The following SPAG9 variants were observed in gnomAD, a reference collection of about 807,000 sequenced individuals.
The protein encoded by SPAG9 is sperm associated antigen 9.
A neutral mutation model predicts 166.5 loss-of-function variants in SPAG9; 35 were observed. That is an observed-to-expected ratio of 0.21 (90% CI 0.16 to 0.28). SPAG9 has a LOEUF of 0.28. Ranked by LOEUF, SPAG9 falls within the 10% of genes least tolerant of loss-of-function variation. The probability of loss-of-function intolerance (pLI) is 1.00; values close to 1 mark genes in which losing one functional copy is unlikely to be tolerated. For synonymous variants in SPAG9, 534 were observed against 565.5 expected (o/e 0.94, Z 0.79); for missense variants, 1,235 against 1,603.3 (o/e 0.77, Z 3.92).
chr17:50,987,120 T>C lies in SPAG9; in HGVS notation c.2931A>G (p.Gln977=), dbSNP rs374198154. 1.2e-6 allele frequency: 2 copies of C among 1,607,972 alleles called. No individual in the cohort carries two copies. Among genetic ancestry groups the C allele is most frequent in the South Asian group, 1.1e-5 (1 of 89,472 alleles). The part of the protein sequence containing the change: ...SLLPTMWLGA[Q]NGCLYVHSSV... ...AAAGCATTGACACCTACCAGCCATT[T>C]TGAGCTCCAAGCCACATAGTTGGTA... Residue 977 remains glutamine, a synonymous_variant, in exon 22 of 30, where the codon CAA becomes CAG. Transcript: ENST00000262013.
chr17:51,066,109 CTTT>C (rs367569277), intron 2 of SPAG9, among the ~76,000 whole-genome samples: 7,311 of 147,282 alleles, frequency 0.05, 521 homozygotes, highest in African/African-American at 0.16. Flanking sequence ...CCCCATTACG[CTTT>C]TTTTTTTTCT....
intron 1 of SPAG9, among the ~76,000 whole-genome samples, chr17:51,080,001 T>A (rs906867274): frequency 2.0e-5 from 3 of 152,200 alleles, no homozygotes; most frequent in Non-Finnish European, 4.4e-5. Context: ...GCATCTTGAC[T>A]TCCAGACAAC....
intron 1 of SPAG9, among the ~76,000 whole-genome samples, chr17:51,115,006 T>C (rs2049243152): frequency 6.6e-6 from 1 of 151,932 alleles, no homozygotes. Flanking sequence ...ACAATGAATG[T>C]CAATACCTAT....
intron 20 of SPAG9, 80 bp downstream of exon 20, chr17:50,990,370 A>G (rs1402231413): frequency 4.7e-6 from 5 of 1,056,538 alleles, no homozygotes; most frequent in Non-Finnish European, 1.5e-6. Context: ...GTTACTTAAG[A>G]TCTAAATTAA....
intron 1 of SPAG9, among the ~76,000 whole-genome samples, chr17:51,094,349 AACAG>A (rs2048554348): frequency 6.6e-6 from 1 of 152,238 alleles, no homozygotes; most frequent in Admixed American, 6.5e-5. Flanking sequence ...ACTCTGACAA[AACAG>A]ACAAAGCAGG....
chr17:50,995,534 CTAA>C lies in SPAG9; in HGVS notation c.1969-4_1969-2del. ...TATTTTCACCTTGACCATTGGTTAC[CTAA>C]TAATGGTGGAAGGAGGAGTGAAAAA... On this transcript the variant is annotated splice_acceptor_variant and splice_polypyrimidine_tract_variant and intron_variant, in intron 16 of 29. Transcript: ENST00000262013. LOFTEE classifies it high-confidence loss of function. The C allele has an allele frequency of 1.3e-6, 2 of 1,588,386 alleles. No homozygotes were observed. Among genetic ancestry groups the C allele is most frequent in the Non-Finnish European group, 8.6e-7 (1 of 1,156,880 alleles).
chr17:51,091,650 CT>C (rs71355706), intron 1 of SPAG9, among the ~76,000 whole-genome samples: 6 of 151,760 alleles, frequency 4.0e-5, no homozygotes, highest in African/African-American at 1.2e-4. Context: ...CACATACCCA[CT>C]TTTTTTTAAG....
At chr17:51,090,619 A>C (rs976134827) in intron 1 of SPAG9, among the ~76,000 whole-genome samples, 5 of 152,222 alleles carry the variant, frequency 3.3e-5, no homozygotes, top group African/African-American at 1.2e-4. Context: ...CCTATGTTCT[A>C]TTGATTGAAA....
chr17:50,974,655 A>G, intron 28 of SPAG9, 116 bp downstream of exon 28: 4 of 836,622 alleles, frequency 4.8e-6, no homozygotes, highest in Middle Eastern at 4.6e-4. Flanking sequence ...TCCTTCGTAT[A>G]TATTGAAATT....
intron 1 of SPAG9, among the ~76,000 whole-genome samples, chr17:51,103,658 C>A (rs1275824693): frequency 6.6e-6 from 1 of 152,090 alleles, no homozygotes; most frequent in East Asian, 1.9e-4. Flanking sequence ...AGGCACGGTG[C>A]CTCACATCTG....
At chr17:50,982,820 G>T (rs1051444628) in intron 24 of SPAG9, 148 bp from the exon 25 acceptor site, 5 of 769,732 alleles carry the variant, frequency 6.5e-6, no homozygotes, top group Non-Finnish European at 9.8e-6. Flanking sequence ...TTGCAGCCTG[G>T]GTTCTTTTAT....
intron 3 of SPAG9, among the ~76,000 whole-genome samples, chr17:51,053,886 T>G (rs1320633465): frequency 4.2e-4 from 43 of 103,036 alleles, no homozygotes; most frequent in African/African-American, 1.7e-3. Flanking sequence ...TATATATATA[T>G]ATATATATAT....
chr17:51,025,135 A>G (rs980633263), intron 6 of SPAG9, among the ~76,000 whole-genome samples: 10 of 151,962 alleles, frequency 6.6e-5, no homozygotes, highest in African/African-American at 2.2e-4. Context: ...CTTGGCCAAC[A>G]TGGGGAAACC....
chr17:51,043,757 C>A (rs2046925914), intron 4 of SPAG9, among the ~76,000 whole-genome samples: 1 of 152,050 alleles, frequency 6.6e-6, no homozygotes, highest in African/African-American at 2.4e-5. Context: ...GCAAAGACAA[C>A]CAGGAAGATG....
rs1482765735 is a variant in SPAG9 at position 51,063,582 on chromosome 17, C to T, written c.425-7100G>A. 1.3e-5 allele frequency among the ~76,000 whole-genome samples: 2 copies of T among 152,072 alleles called. 1 individual carries two copies. The highest frequency in any genetic ancestry group is 4.1e-4 in the South Asian group (2 of 4,826). ...GGAAAAATACTGAATTTTGCAACAT[C>T]TAAAATAAAAGCAGGCCAGGGCCAG... On this transcript the variant is annotated intron_variant, in intron 2 of 29. Transcript: ENST00000262013.
rs748196650 is a variant in SPAG9, at chr17:50,996,676, G to A, written c.1857C>T (p.Ala619=). 1 of 1,613,970 alleles carries A rather than the reference G, an allele frequency of 6.2e-7. No homozygotes were observed. The highest frequency in any genetic ancestry group is 1.1e-5 in the South Asian group (1 of 91,076). ...FLSEETEASL[A]SRREQKREQY... ...GCTCTCTCTTTTGTTCTCTGCGTGA[G>A]GCTAAACTAGCTTCAGTTCTAAAAG... Residue 619 remains alanine (A), a synonymous_variant, in exon 16 of 30, where the codon GCC becomes GCT. Transcript: ENST00000262013.
chr17:50,985,084 A>G, intron 23 of SPAG9, 94 bp from the exon 24 acceptor site: 1 of 1,005,810 alleles, frequency 9.9e-7, no homozygotes, highest in South Asian at 1.3e-5. Context: ...ACAAAGGGCC[A>G]ATCTGTGATG....
intron 8 of SPAG9, among the ~76,000 whole-genome samples, chr17:51,014,909 C>T (rs1327893204): frequency 6.6e-6 from 1 of 151,230 alleles, no homozygotes; most frequent in Non-Finnish European, 1.5e-5. Flanking sequence ...CCCTATTTTG[C>T]AGGGGTGTAT....
At chr17:51,009,579 T>C (rs1166635081) in intron 9 of SPAG9, among the ~76,000 whole-genome samples, 1 of 152,204 alleles carries the variant, frequency 6.6e-6, no homozygotes, top group East Asian at 1.9e-4. Context: ...ACTCAGTCTG[T>C]CCCACTATAA....
Sources: gnomAD v4.1 joint callset for allele counts (sites outside exome capture counted in the v4.1 genomes callset) on GRCh38, gnomAD v4.1.1 for gene constraint, MANE v1.5 for transcripts, NCBI Gene and HGNC (gene_info 2026-07-23, HGNC 2026-07-21) for gene names.